LINGO2: variants seen among roughly 807,000 people sequenced by gnomAD.
LINGO2 encodes leucine-rich repeat and immunoglobulin-like domain-containing nogo receptor-interacting protein 2.
Under a neutral mutation model 30.6 loss-of-function variants are expected in LINGO2, and 14 were observed. The observed-to-expected ratio is 0.46, with a 90% confidence interval of 0.30 to 0.72. The LOEUF (loss-of-function observed/expected upper bound fraction) is 0.72, where lower values mean the gene tolerates loss of function less well. Ranked by LOEUF, LINGO2 falls within the 30% of genes least tolerant of loss-of-function variation. LINGO2 has a pLI of 0.07. For synonymous variants in LINGO2, 317 were observed against 288.5 expected (o/e 1.10, Z -1.00); for missense variants, 729 against 751.7 (o/e 0.97, Z 0.35).
At chr9:28,774,481 C>T in the LINGO2 span, among the ~76,000 whole-genome samples, 1 of 152,062 alleles carries the variant, frequency 6.6e-6, no homozygotes, top group Admixed American at 6.5e-5. Flanking sequence ...ATTTCACACA[C>T]ATATATATAC....
the LINGO2 span, among the ~76,000 whole-genome samples, chr9:28,982,660 A>G: frequency 6.6e-6 from 1 of 152,088 alleles, no homozygotes; most frequent in African/African-American, 2.4e-5. Flanking sequence ...CACAATAAAT[A>G]TATGAATCAT....
chr9:29,056,283 T>C, the LINGO2 span, among the ~76,000 whole-genome samples: 3 of 152,080 alleles, frequency 2.0e-5, no homozygotes, highest in African/African-American at 7.2e-5. Flanking sequence ...ATTTTTTGAT[T>C]ATGGCGTCCT....
intron 1 of LINGO2, among the ~76,000 whole-genome samples, chr9:28,564,721 T>A (rs1478990085): frequency 6.6e-6 from 1 of 152,148 alleles, no homozygotes; most frequent in African/African-American, 2.4e-5. Context: ...CTTGCACCAA[T>A]AAACCTGCAC....
At chr9:27,954,567 A>AT (rs1304025127) in intron 5 of LINGO2, among the ~76,000 whole-genome samples, 11 of 152,168 alleles carry the variant, frequency 7.2e-5, no homozygotes, top group African/African-American at 2.4e-4. Context: ...GTATACATGT[A>AT]CCACATTTTC....
At chr9:28,758,596 T>G in the LINGO2 span, among the ~76,000 whole-genome samples, 2,945 of 152,156 alleles carry the variant, frequency 0.019, 118 homozygotes, top group African/African-American at 0.067. Context: ...AAGTTTCAAG[T>G]GATACATATT....
At chr9:28,485,882 A>G (rs1826147008) in intron 1 of LINGO2, among the ~76,000 whole-genome samples, 2 of 152,100 alleles carry the variant, frequency 1.3e-5, no homozygotes, top group South Asian at 4.1e-4. Flanking sequence ...CAGAAGATAT[A>G]AGTGGAAAAA....
chr9:28,496,062 G>A (rs1819612336), intron 1 of LINGO2, among the ~76,000 whole-genome samples: 1 of 151,382 alleles, frequency 6.6e-6, no homozygotes, highest in Admixed American at 6.6e-5. Flanking sequence ...CATTTGCTGA[G>A]GAGTGCTTTA....
intron 4 of LINGO2, among the ~76,000 whole-genome samples, chr9:28,109,198 C>A (rs185836161): frequency 6.6e-6 from 1 of 152,156 alleles, no homozygotes; most frequent in Non-Finnish European, 1.5e-5. Flanking sequence ...TTCAACATCC[C>A]TTCATGTTAA....
At chr9:28,435,998 G>A (rs760499420) in intron 2 of LINGO2, among the ~76,000 whole-genome samples, 2 of 151,974 alleles carry the variant, frequency 1.3e-5, no homozygotes, top group Non-Finnish European at 2.9e-5. Context: ...TATTTGTGTC[G>A]GCCAGCAGTG....
chr9:29,028,427 G>GGGTT, the LINGO2 span, among the ~76,000 whole-genome samples: 16 of 123,876 alleles, frequency 1.3e-4, 2 homozygotes, highest in African/African-American at 5.0e-4. Context: ...TGTGGGGGGG[G>GGGTT]GTGAGAGAGA....
chr9:29,042,764 T>C, the LINGO2 span, among the ~76,000 whole-genome samples: 10 of 151,942 alleles, frequency 6.6e-5, no homozygotes, highest in Non-Finnish European at 1.5e-4. Flanking sequence ...ATCCTTATTT[T>C]TCTAATACAC....
chr9:28,779,445 C>CT, the LINGO2 span, among the ~76,000 whole-genome samples: 1 of 152,134 alleles, frequency 6.6e-6, no homozygotes, highest in African/African-American at 2.4e-5. Context: ...CTATTGATGA[C>CT]TTCATATATT....
intron 1 of LINGO2, among the ~76,000 whole-genome samples, chr9:28,505,401 G>A (rs4410993): frequency 0.93 from 141,340 of 151,930 alleles, 65,793 homozygotes; most frequent in East Asian, 1. Flanking sequence ...AGGGTAAATA[G>A]TGTCACTAAC....
chr9:28,440,742 T>G lies in LINGO2; in HGVS notation c.-279+35198A>C, dbSNP rs559320591. Among the ~76,000 whole-genome samples, 5 of 152,306 alleles carry G rather than the reference T, an allele frequency of 3.3e-5. No individual in the cohort carries two copies. In the South Asian group the frequency reaches 1.0e-3, roughly 32 times the overall value. ...GATTAAAAATAAACAGAGATCACATTAGAATAAAATTAATCAGCTGAAACA... is the reference window on the plus strand; with the variant it reads ...GATTAAAAATAAACAGAGATCACATGAGAATAAAATTAATCAGCTGAAACA... On this transcript the variant is annotated intron_variant, in intron 2 of 5. Transcript: ENST00000379992.
chr9:28,515,723 A>G (rs538471249), intron 1 of LINGO2, among the ~76,000 whole-genome samples: 1 of 152,346 alleles, frequency 6.6e-6, no homozygotes, highest in East Asian at 1.9e-4. Context: ...GATATTGGGA[A>G]CATTGTTGAA....
the LINGO2 span, among the ~76,000 whole-genome samples, chr9:28,727,615 C>T: frequency 6.7e-6 from 1 of 150,240 alleles, no homozygotes; most frequent in African/African-American, 2.4e-5. Context: ...CTTTTGTCAC[C>T]ACTGGTCTTT....
intron 1 of LINGO2, among the ~76,000 whole-genome samples, chr9:28,595,767 C>G (rs1825143970): frequency 1.3e-5 from 2 of 152,166 alleles, no homozygotes; most frequent in South Asian, 4.1e-4. Flanking sequence ...AAAGTAGGAT[C>G]ACAGCGGGGG....
chr9:28,448,147 A>G (rs1824502500), intron 2 of LINGO2, among the ~76,000 whole-genome samples: 1 of 152,162 alleles, frequency 6.6e-6, no homozygotes, highest in Non-Finnish European at 1.5e-5. Flanking sequence ...ATCTAAAAAT[A>G]TCTTGAAAAG....
At chr9:29,169,556 A>G in the LINGO2 span, among the ~76,000 whole-genome samples, 1 of 152,208 alleles carries the variant, frequency 6.6e-6, no homozygotes, top group Non-Finnish European at 1.5e-5. Flanking sequence ...TCATCAGAGA[A>G]ATGCAAATTA....
Sources: allele counts gnomAD v4.1 joint callset (sites outside exome capture counted in the v4.1 genomes callset), GRCh38; gene constraint gnomAD v4.1.1; transcripts MANE v1.5; gene names NCBI Gene and HGNC (gene_info 2026-07-23, HGNC 2026-07-21).